Variants in SLC47A1 observed in about 807,000 individuals in gnomAD.
The protein encoded by SLC47A1 is solute carrier family 47 member 1, also known as multidrug and toxin extrusion protein 1.
SLC47A1 carries 58 observed loss-of-function variants against 65.8 expected under a neutral mutation model. That is an observed-to-expected ratio of 0.88 (90% CI 0.71 to 1.10). The LOEUF (loss-of-function observed/expected upper bound fraction) is 1.10, where lower values mean the gene tolerates loss of function less well. Ranked by LOEUF, SLC47A1 falls within the 50% of genes least tolerant of loss-of-function variation. SLC47A1 has a pLI of 0.00. For missense variants in SLC47A1, 706 were observed against 719.2 expected, an observed-to-expected ratio of 0.98 and a Z score of 0.21; for synonymous variants, 285 against 295.0, an observed-to-expected ratio of 0.97 and a Z score of 0.35.
chr17:19,560,477 AT>A lies in SLC47A1; in HGVS notation c.1095del (p.Phe365LeufsTer35). On this transcript the variant is annotated frameshift_variant, in exon 12 of 17. Coordinates refer to ENST00000270570, the MANE Select transcript of SLC47A1 (RefSeq NM_018242.3). LOFTEE classifies it high-confidence loss of function. Reference sequence around the variant, plus strand: ...AAGCTGTAAGGATCACGTGGGGTACATTTTTACTACCGACCGGTGAGTGCTA... The same window carrying A: ...AAGCTGTAAGGATCACGTGGGGTACATTTTACTACCGACCGGTGAGTGCTA... Reference protein sequence around the residue: ...LLSCKDHVGYIFTTDRDIINL... With the variant: ...LLSCKDHVGYXFTTDRDIINL... 1.2e-6 allele frequency: 2 copies of A among 1,614,184 alleles called. No homozygotes were observed. Among genetic ancestry groups the A allele is most frequent in the Non-Finnish European group, 1.7e-6 (2 of 1,180,024 alleles).
At chr17:19,571,832 A>G (rs1335660432) in intron 15 of SLC47A1, among the ~76,000 whole-genome samples, 2 of 152,150 alleles carry the variant, frequency 1.3e-5, no homozygotes, top group Admixed American at 1.3e-4. Context: ...GTGCAGGAAA[A>G]TCCAATTTCA....
Position 19,571,538 on chromosome 17 carries a change from T to C in SLC47A1, c.1370T>C (p.Ile457Thr), listed in dbSNP as rs758879487. ...CAAGCTGTGTGTTTTCTAGGCTTTA[T>C]TATTCAGCTAAATTGGAAAAAAGCC... ...VFQAVCFLGF[I>T]IQLNWKKACQ... The change falls in exon 15 of 17, where the codon ATT (isoleucine) becomes ACT (threonine). Residue 457 changes from isoleucine to threonine, a missense_variant. Ile to Thr is a moderately conservative substitution (Grantham distance 89, BLOSUM62 -1). Coordinates refer to ENST00000270570, the MANE Select transcript of SLC47A1 (RefSeq NM_018242.3). 4 of 1,614,074 alleles carry C rather than the reference T, an allele frequency of 2.5e-6. No individual in the cohort carries two copies. The highest frequency in any genetic ancestry group is 8.5e-7 in the Non-Finnish European group (1 of 1,180,032).
chr17:19,575,950 G>A (rs775493282), intron 16 of SLC47A1, among the ~76,000 whole-genome samples: 4 of 152,118 alleles, frequency 2.6e-5, no homozygotes, highest in Admixed American at 6.6e-5. Flanking sequence ...ACTTTCAGAG[G>A]GGAGAGAGGA....
At chr17:19,554,691 C>T (rs1448754853) in intron 6 of SLC47A1, among the ~76,000 whole-genome samples, 1 of 152,206 alleles carries the variant, frequency 6.6e-6, no homozygotes, top group African/African-American at 2.4e-5. Flanking sequence ...ACTTTCACCC[C>T]TGTCTTACTT....
At chr17:19,570,038 G>A (rs568106658) in intron 14 of SLC47A1, among the ~76,000 whole-genome samples, 22 of 152,278 alleles carry the variant, frequency 1.4e-4, no homozygotes, top group African/African-American at 5.3e-4. Flanking sequence ...CTTGACTCTA[G>A]GAGTTGGAGG....
At position 19,548,041 on chromosome 17, in the gene SLC47A1, C is replaced by G. The variant is rs150187761; in HGVS notation, c.363C>G (p.Leu121=). The change falls in exon 4 of 17, where the codon CTC becomes CTG. Residue 121 remains leucine (L), a synonymous_variant. Coordinates refer to ENST00000270570, the MANE Select transcript of SLC47A1 (RefSeq NM_018242.3). ...HVGVILQRSA[L]VLLLCCFPCW... is the part of the protein sequence containing the mutation. ...GCGTGATCCTGCAGCGGAGTGCGCT[C>G]GTCCTGCTCCTCTGCTGCTTCCCCT... The G allele has an allele frequency of 6.8e-5, 109 of 1,614,034 alleles. 2 individuals are homozygous for G. Among genetic ancestry groups the G allele is most frequent in the Non-Finnish European group, 8.7e-5 (103 of 1,180,030 alleles).
At chr17:19,546,412 C>T (rs368780305) in intron 2 of SLC47A1, 23 bp from the exon 3 acceptor site, 56 of 1,612,410 alleles carry the variant, frequency 3.5e-5, no homozygotes, top group Admixed American at 5.0e-5. Context: ...TCTATAGGGC[C>T]TTATCTTTGG....
At chr17:19,577,208 A>C (rs2084447467) in intron 16 of SLC47A1, 119 bp from the exon 17 acceptor site, 2 of 1,349,294 alleles carry the variant, frequency 1.5e-6, no homozygotes, top group Non-Finnish European at 2.0e-6. Context: ...TCACTGTAGC[A>C]ATAGTGTCCT....
intron 2 of SLC47A1, among the ~76,000 whole-genome samples, chr17:19,543,113 C>CTT (rs200136822): frequency 7.6e-6 from 1 of 131,642 alleles, no homozygotes; most frequent in Non-Finnish European, 1.6e-5. Flanking sequence ...TATTTCTTTT[C>CTT]TTTTTTTTTT....
At chr17:19,576,293 T>G (rs1272611581) in intron 16 of SLC47A1, among the ~76,000 whole-genome samples, 1 of 148,824 alleles carries the variant, frequency 6.7e-6, no homozygotes, top group African/African-American at 2.5e-5. Flanking sequence ...GGCCCTTTGA[T>G]GTGAACGGTC....
intron 14 of SLC47A1, 143 bp from the exon 15 acceptor site, chr17:19,571,335 G>T: frequency 1.5e-6 from 1 of 646,714 alleles, no homozygotes; most frequent in Admixed American, 3.2e-5. Context: ...CAGGATAGAG[G>T]TCTCTGGCCC....
intron 6 of SLC47A1, among the ~76,000 whole-genome samples, chr17:19,554,080 T>G (rs1403367635): frequency 1.3e-5 from 2 of 152,058 alleles, no homozygotes; most frequent in Admixed American, 1.3e-4. Context: ...GCAGTTGTGT[T>G]TATTGGCCTG....
intron 13 of SLC47A1, 77 bp from the exon 14 acceptor site, chr17:19,567,019 T>A: frequency 6.2e-7 from 1 of 1,608,856 alleles, no homozygotes; most frequent in East Asian, 2.2e-5. Flanking sequence ...TAGCACAGAA[T>A]ATGAAGTGCT....
chr17:19,574,181 C>G (rs898649266), intron 16 of SLC47A1, among the ~76,000 whole-genome samples: 2 of 152,100 alleles, frequency 1.3e-5, no homozygotes, highest in South Asian at 4.1e-4. Context: ...CCTCGGCCCC[C>G]CAAAGTGCTG....
At chr17:19,537,717 A>T (rs991161669) in intron 1 of SLC47A1, among the ~76,000 whole-genome samples, 6 of 152,094 alleles carry the variant, frequency 3.9e-5, no homozygotes, top group African/African-American at 1.4e-4. Flanking sequence ...CGCACATCTG[A>T]GCTTGTGCCT....
At chr17:19,553,967 C>T (rs1309191986) in intron 6 of SLC47A1, among the ~76,000 whole-genome samples, 7 of 152,296 alleles carry the variant, frequency 4.6e-5, no homozygotes, top group African/African-American at 1.7e-4. Context: ...CTAACCAGGG[C>T]CTCCCCATAA....
chr17:19,569,200 C>T (rs1296737148), intron 14 of SLC47A1, among the ~76,000 whole-genome samples: 1 of 151,704 alleles, frequency 6.6e-6, no homozygotes, highest in Non-Finnish European at 1.5e-5. Flanking sequence ...GGCGAAACCC[C>T]GTCTCTACTA....
At position 19,548,088 on chromosome 17, in the gene SLC47A1, C is replaced by T. The variant is rs1378147253; in HGVS notation, c.410C>T (p.Thr137Ile). 1 of 1,614,024 alleles carries T rather than the reference C, an allele frequency of 6.2e-7. No individual in the cohort carries two copies. Residue 137 changes from threonine (T) to isoleucine (I), a missense_variant, in exon 4 of 17, where the codon ACC (threonine) becomes ATC (isoleucine). Physicochemically the swap from Thr to Ile is moderately conservative, Grantham distance 89 (BLOSUM62 -1). Transcript: ENST00000270570. ...CCCTGCTGGGCGCTCTTTCTCAACA[C>T]CCAGCACATCCTGCTGCTCTTCAGG... ...CFPCWALFLN[T>I]QHILLLFRQD...
At chr17:19,543,486 G>T (rs892343414) in intron 2 of SLC47A1, among the ~76,000 whole-genome samples, 2 of 152,104 alleles carry the variant, frequency 1.3e-5, no homozygotes, top group Non-Finnish European at 2.9e-5. Flanking sequence ...ACAGTAAAAG[G>T]GGAGTTCAGT....
Sources: gnomAD v4.1 joint callset for allele counts (sites outside exome capture counted in the v4.1 genomes callset) on GRCh38, gnomAD v4.1.1 for gene constraint, MANE v1.5 for transcripts, NCBI Gene and HGNC (gene_info 2026-07-23, HGNC 2026-07-21) for gene names.